PLXNA4: variants seen among roughly 807,000 people sequenced by gnomAD.
The protein encoded by PLXNA4 is plexin A4.
In PLXNA4, 44 loss-of-function variants were observed where a neutral mutation model predicts 191.8. The observed-to-expected ratio is 0.23, with a 90% CI of 0.18 to 0.29. The LOEUF is 0.29. Ranked by LOEUF, PLXNA4 falls within the 10% of genes least tolerant of loss-of-function variation. PLXNA4 has a pLI of 1.00. For synonymous variants in PLXNA4, 1,082 were observed against 1,009.5 expected (o/e 1.07, Z -1.36); for missense variants, 1,800 against 2,488.8 (o/e 0.72, Z 5.89).
intron 3 of PLXNA4, among the ~76,000 whole-genome samples, chr7:132,377,555 A>C (rs920999765): frequency 6.6e-6 from 1 of 152,166 alleles, no homozygotes; most frequent in East Asian, 1.9e-4. Context: ...TGGCACCCAC[A>C]CATCTGATTG....
At chr7:132,516,077 T>C (rs1798923772) in intron 1 of PLXNA4, among the ~76,000 whole-genome samples, 2 of 152,208 alleles carry the variant, frequency 1.3e-5, no homozygotes, top group South Asian at 4.1e-4. Flanking sequence ...GTGGGTATCA[T>C]GTACAGCTGA....
Position 132,156,131 on chromosome 7 carries a change from G to GACACACAC in PLXNA4, c.4660+3341_4660+3342insGTGTGTGT, listed in dbSNP as rs1224544237. On this transcript the variant is annotated intron_variant, in intron 25 of 31. Coordinates refer to ENST00000321063, the MANE Select transcript of PLXNA4 (RefSeq NM_020911.2). ...GAATCTCTCTCTCTCTCTGTTTCTG[G>GACACACAC]ACATACACACACACACACACACACA... 5.4e-5 allele frequency among the ~76,000 whole-genome samples: 4 copies of GACACACAC among 74,546 alleles called. 1 individual carries two copies. The highest frequency in any genetic ancestry group is 5.2e-4 in the Admixed American group (4 of 7,694). 48.9% of individuals were successfully genotyped at this position (74,546 alleles called of 152,430 possible). A position where few individuals can be genotyped will look rare whatever the true frequency, so the allele number is the denominator to read the frequency against.
At chr7:132,627,395 T>C (rs1003332421) in intron 2 of PLXNA4, among the ~76,000 whole-genome samples, 2 of 152,218 alleles carry the variant, frequency 1.3e-5, no homozygotes. Flanking sequence ...TTTGATTCTA[T>C]ATAACATTAT....
At chr7:132,254,979 G>C (rs1169343824) in intron 4 of PLXNA4, among the ~76,000 whole-genome samples, 1 of 152,042 alleles carries the variant, frequency 6.6e-6, no homozygotes, top group Non-Finnish European at 1.5e-5. Context: ...GGCTAATTTG[G>C]GCCCATTCTC....
chr7:132,195,697 G>C (rs1258606133), intron 13 of PLXNA4, among the ~76,000 whole-genome samples: 1 of 152,200 alleles, frequency 6.6e-6, no homozygotes, highest in African/African-American at 2.4e-5. Flanking sequence ...TTTCACATGG[G>C]TGTGTTTTTA....
chr7:132,636,851 C>T (rs1803618725), intron 2 of PLXNA4, among the ~76,000 whole-genome samples: 1 of 152,178 alleles, frequency 6.6e-6, no homozygotes, highest in South Asian at 2.1e-4. Flanking sequence ...CAAGCCAACC[C>T]TCGCCTTCGC....
intron 31 of PLXNA4, among the ~76,000 whole-genome samples, chr7:132,132,495 CT>C (rs138417713): frequency 0.35 from 10,865 of 31,242 alleles, 1,042 homozygotes; most frequent in East Asian, 0.46. Flanking sequence ...CTGCTCTATT[CT>C]TTTCTATTCT....
intron 21 of PLXNA4, among the ~76,000 whole-genome samples, chr7:132,173,360 T>C (rs528243827): frequency 1.5e-4 from 23 of 151,834 alleles, no homozygotes; most frequent in East Asian, 1.4e-3. Flanking sequence ...ATGCACGGGC[T>C]ACATCTACAC....
chr7:132,436,609 A>T (rs950789855), intron 3 of PLXNA4, among the ~76,000 whole-genome samples: 3 of 152,246 alleles, frequency 2.0e-5, no homozygotes, highest in African/African-American at 7.2e-5. Flanking sequence ...AAATGCAAAG[A>T]AAAGTCCCTA....
rs75083393 is a variant in PLXNA4 at position 132,526,916 on chromosome 7, G to A, written c.-86-18137C>T. On this transcript the variant is annotated intron_variant, in intron 1 of 31. Coordinates refer to ENST00000321063, the MANE Select transcript of PLXNA4 (RefSeq NM_020911.2). ...ACCCTGCCCCACGGTGGCACAATGG[G>A]TGTTAAACAGGGCCACTCTACAAGA... Among the ~76,000 whole-genome samples, 826 of 152,226 alleles carry A rather than the reference G, an allele frequency of 5.4e-3. 6 individuals carry two copies. Among genetic ancestry groups the A allele is most frequent in the Non-Finnish European group, 9.5e-3 (643 of 68,016 alleles).
chr7:132,644,447 C>T (rs1803816045), intron 2 of PLXNA4, among the ~76,000 whole-genome samples: 1 of 152,240 alleles, frequency 6.6e-6, no homozygotes, highest in South Asian at 2.1e-4. Flanking sequence ...TGCCCCATGG[C>T]TCTTCTGCCT....
intron 9 of PLXNA4, among the ~76,000 whole-genome samples, chr7:132,213,640 C>T (rs963348053): frequency 2.6e-5 from 4 of 152,128 alleles, no homozygotes; most frequent in African/African-American, 7.2e-5. Context: ...TGATGGAGCT[C>T]AGAACTGGGG....
chr7:132,438,182 G>A (rs1224582729), intron 3 of PLXNA4, among the ~76,000 whole-genome samples: 3 of 152,204 alleles, frequency 2.0e-5, no homozygotes, highest in Non-Finnish European at 4.4e-5. Context: ...TGGGTTAAAG[G>A]TTGGTTAGGA....
At chr7:132,640,146 G>A (rs2116889778) in intron 2 of PLXNA4, among the ~76,000 whole-genome samples, 1 of 152,338 alleles carries the variant, frequency 6.6e-6, no homozygotes, top group Middle Eastern at 3.4e-3. Context: ...TTCTTGCAGA[G>A]GATCAGGAAG....
intron 3 of PLXNA4, among the ~76,000 whole-genome samples, chr7:132,439,775 T>C (rs563139205): frequency 6.6e-6 from 1 of 152,290 alleles, no homozygotes; most frequent in East Asian, 1.9e-4. Flanking sequence ...TCCCTTTCCC[T>C]AAAGGCCCTA....
At chr7:132,629,468 A>T (rs1235633338) in intron 2 of PLXNA4, among the ~76,000 whole-genome samples, 3 of 152,116 alleles carry the variant, frequency 2.0e-5, no homozygotes, top group African/African-American at 7.2e-5. Context: ...TGATGCCTAG[A>T]CCCTCTCCTG....
chr7:132,307,115 G>T (rs1801553216), intron 3 of PLXNA4, among the ~76,000 whole-genome samples: 2 of 152,022 alleles, frequency 1.3e-5, no homozygotes, highest in Admixed American at 1.3e-4. Flanking sequence ...CACCAGAGGA[G>T]CTCCCTCACA....
chr7:132,279,249 G>C (rs889105574), intron 4 of PLXNA4, among the ~76,000 whole-genome samples: 1 of 152,208 alleles, frequency 6.6e-6, no homozygotes, highest in African/African-American at 2.4e-5. Flanking sequence ...CTGGTCATTA[G>C]AGGACTTCCA....
chr7:132,395,486 G>A (rs1177108069), intron 3 of PLXNA4, among the ~76,000 whole-genome samples: 4 of 152,234 alleles, frequency 2.6e-5, no homozygotes. Flanking sequence ...GCAGCACTGA[G>A]TGGGGGCACA....
Sources: gnomAD v4.1 joint callset for allele counts (sites outside exome capture counted in the v4.1 genomes callset) on GRCh38, gnomAD v4.1.1 for gene constraint, MANE v1.5 for transcripts, NCBI Gene and HGNC (gene_info 2026-07-23, HGNC 2026-07-21) for gene names.